GFM2: variants seen among roughly 807,000 people sequenced by gnomAD.
The protein encoded by GFM2 is ribosome-releasing factor 2, mitochondrial.
GFM2 carries 72 observed loss-of-function variants against 95.4 expected under a neutral mutation model. The observed-to-expected ratio is 0.76, with a 90% confidence interval of 0.62 to 0.92. The LOEUF (loss-of-function observed/expected upper bound fraction) is 0.92. Among genes scored for constraint, GFM2 ranks in the 40% least tolerant of loss-of-function variants. The pLI is 0.00. For synonymous variants in GFM2, 276 were observed against 317.5 expected, an observed-to-expected ratio of 0.87 and a Z score of 1.39; for missense variants, 825 against 924.1, an observed-to-expected ratio of 0.89 and a Z score of 1.39.
intron 14 of GFM2, among the ~76,000 whole-genome samples, chr5:74,737,341 C>A (rs1264484844): frequency 6.6e-6 from 1 of 152,136 alleles, no homozygotes; most frequent in Non-Finnish European, 1.5e-5. Context: ...AGAATTTATT[C>A]CTTTTTTACA....
intron 11 of GFM2, among the ~76,000 whole-genome samples, chr5:74,740,441 T>G (rs1743057473): frequency 6.6e-6 from 1 of 152,206 alleles, no homozygotes; most frequent in Non-Finnish European, 1.5e-5. Flanking sequence ...AATAAATGAA[T>G]ATACTTGTGA....
At chr5:74,753,194 G>A (rs1056519766) in intron 5 of GFM2, among the ~76,000 whole-genome samples, 8 of 152,136 alleles carry the variant, frequency 5.3e-5, no homozygotes, top group Admixed American at 2.0e-4. Flanking sequence ...AATCTCCAGA[G>A]AAACAGCCAG....
At chr5:74,759,885 T>C (rs960895547) in intron 3 of GFM2, among the ~76,000 whole-genome samples, 3 of 152,182 alleles carry the variant, frequency 2.0e-5, no homozygotes, top group Admixed American at 6.5e-5. Flanking sequence ...AATTTGGAAC[T>C]TGCCTTCCTC....
At chr5:74,730,740 T>C (rs1054212607) in intron 16 of GFM2, 4 of 166,804 alleles carry the variant, frequency 2.4e-5, no homozygotes, top group African/African-American at 7.2e-5. Context: ...CAATGGAAGA[T>C]GAATATAATT....
At chr5:74,737,610 G>C (rs1414846316) in intron 14 of GFM2, among the ~76,000 whole-genome samples, 1 of 152,108 alleles carries the variant, frequency 6.6e-6, no homozygotes, top group Non-Finnish European at 1.5e-5. Context: ...ACATTCCAAT[G>C]CCAGAAGTCC....
intron 7 of GFM2, 29 bp downstream of exon 7, chr5:74,750,550 A>T: frequency 1.3e-6 from 2 of 1,510,448 alleles, no homozygotes; most frequent in Non-Finnish European, 1.8e-6. Context: ...TGCTGTTCTA[A>T]TTCCCTTTAC....
At position 74,736,952 on chromosome 5, in the gene GFM2, A is replaced by T; in HGVS notation, c.1354T>A (p.Ser452Thr). 2.5e-6 allele frequency: 4 copies of T among 1,613,644 alleles called. No individual in the cohort carries two copies. The highest frequency in any genetic ancestry group is 3.4e-6 in the Non-Finnish European group (4 of 1,179,718). Reference sequence around the variant, plus strand: ...CTACGAGCTGCAGCTAATGCACTGGACTTGGATGAGACAATGGTGTCTCCA... The same window carrying T: ...CTACGAGCTGCAGCTAATGCACTGGTCTTGGATGAGACAATGGTGTCTCCA... ...ATGDTIVSSK[S>T]SALAAARRAE... The change falls in exon 15 of 21, where the codon TCC becomes ACC. Residue 452 changes from serine to threonine, a missense_variant. Ser to Thr is a moderately conservative substitution (Grantham distance 58). Coordinates refer to ENST00000296805, the MANE Select transcript of GFM2 (RefSeq NM_032380.5).
At chr5:74,724,658 A>C (rs1211667423) in intron 19 of GFM2, among the ~76,000 whole-genome samples, 1 of 152,174 alleles carries the variant, frequency 6.6e-6, no homozygotes, top group Non-Finnish European at 1.5e-5. Context: ...CATGTCGAAG[A>C]GATATCAAGT....
intron 12 of GFM2, among the ~76,000 whole-genome samples, chr5:74,739,132 G>A (rs1345335431): frequency 6.6e-6 from 1 of 152,060 alleles, no homozygotes; most frequent in African/African-American, 2.4e-5. Context: ...TTAGAATTGA[G>A]TTCTCCTGCA....
At chr5:74,748,806 A>G (rs1410210905) in intron 7 of GFM2, among the ~76,000 whole-genome samples, 3 of 151,362 alleles carry the variant, frequency 2.0e-5, no homozygotes, top group Non-Finnish European at 4.4e-5. Context: ...CAGAGGTTAC[A>G]GTGAGCCAAG....
chr5:74,730,455 T>C (rs1186848760), intron 16 of GFM2, 57 bp from the exon 17 acceptor site: 1 of 1,222,266 alleles, frequency 8.2e-7, no homozygotes, highest in African/African-American at 1.5e-5. Context: ...TATTGCAGAA[T>C]ACTATATAAA....
chr5:74,725,995 A>G lies in GFM2; in HGVS notation c.1858T>C (p.Leu620=), dbSNP rs1168650942. Residue 620 remains leucine, a synonymous_variant, in exon 18 of 21, where the codon TTG becomes CTG. Coordinates refer to ENST00000296805, the MANE Select transcript of GFM2 (RefSeq NM_032380.5). ...TCAATGGCCTCTTGGGAGACCTTCA[A>G]AAGGCCTTCATTGATACTTTCAGCA... ...EYAESINEGL[L]KVSQEAIENG... is the part of the protein sequence containing the mutation. 6.2e-7 allele frequency: 1 copy of G among 1,611,076 alleles called. No individual in the cohort carries two copies. Among genetic ancestry groups the G allele is most frequent in the Admixed American group, 1.7e-5 (1 of 59,618 alleles).
In GFM2 at chr5:74,725,686, G is replaced by A; in HGVS notation, c.1982C>T (p.Thr661Ile). ...TLHSLTIHPG[T>I]STTMISACVS... is the part of the protein sequence containing the mutation. ...ACAGGCAGAAATCATAGTTGTGGAG[G>A]TGCCAGGATGAATTGTCAGGGAATG... Residue 661 changes from threonine (T) to isoleucine (I), a missense_variant, in exon 19 of 21, where the codon ACC (threonine) becomes ATC (isoleucine). Physicochemically the swap from Thr to Ile is moderately conservative, Grantham distance 89. Transcript: ENST00000296805. 1.2e-6 allele frequency: 2 copies of A among 1,613,904 alleles called. No homozygotes were observed. Among genetic ancestry groups the A allele is most frequent in the African/African-American group, 1.3e-5 (1 of 75,030 alleles).
Position 74,726,128 on chromosome 5 carries a change from T to G in GFM2, c.1727-2A>C, listed in dbSNP as rs1454474139. ...CTCCTAAAGTTCTATCTAAGGTATC[T>G]GTAAACAAATTGAATATGGCACCTC... On this transcript the variant is annotated splice_acceptor_variant, in intron 17 of 20. Transcript: ENST00000296805. LOFTEE classifies it high-confidence loss of function. The G allele has an allele frequency of 6.3e-7, 1 of 1,593,516 alleles. No homozygotes were observed. The highest frequency in any genetic ancestry group is 8.5e-7 in the Non-Finnish European group (1 of 1,170,786).
intron 17 of GFM2, 118 bp from the exon 18 acceptor site, chr5:74,726,244 G>C: frequency 3.0e-6 from 2 of 656,056 alleles, no homozygotes; most frequent in Non-Finnish European, 5.2e-6. Context: ...AAGTGGGAGA[G>C]AATATTAACA....
intron 2 of GFM2, among the ~76,000 whole-genome samples, chr5:74,762,216 T>C (rs1489781191): frequency 2.0e-5 from 3 of 152,146 alleles, no homozygotes; most frequent in Non-Finnish European, 2.9e-5. Context: ...AGACGAATGG[T>C]AAGGCTTCTT....
chr5:74,736,689 G>T, intron 15 of GFM2, 107 bp downstream of exon 15: 1 of 1,535,218 alleles, frequency 6.5e-7, no homozygotes, highest in South Asian at 1.3e-5. Flanking sequence ...AATATATTCA[G>T]ATAAAATTTA....
At position 74,733,017 on chromosome 5, in the gene GFM2, C is replaced by T. The variant is rs765999515; in HGVS notation, c.1587+5G>A. On this transcript the variant is annotated splice_donor_5th_base_variant and intron_variant, in intron 16 of 20. Coordinates refer to ENST00000296805, the MANE Select transcript of GFM2 (RefSeq NM_032380.5). The stretch of plus-strand genomic sequence containing the variant: ...GCTTCTGGAGTTTAGCAATAATATA[C>T]CTACTTGTCCAGAGTCAGGATCTAG... 2 of 1,569,696 alleles carry T rather than the reference C, an allele frequency of 1.3e-6. No individual in the cohort carries two copies. The highest frequency in any genetic ancestry group is 1.7e-6 in the Non-Finnish European group (2 of 1,144,358).
At chr5:74,728,183 T>C (rs1271739380) in intron 17 of GFM2, among the ~76,000 whole-genome samples, 3 of 152,190 alleles carry the variant, frequency 2.0e-5, no homozygotes, top group Non-Finnish European at 4.4e-5. Flanking sequence ...TAAACCCCCA[T>C]GCAGTAAAAA....
Sources: allele counts gnomAD v4.1 joint callset (sites outside exome capture counted in the v4.1 genomes callset), GRCh38; gene constraint gnomAD v4.1.1; transcripts MANE v1.5; gene names NCBI Gene and HGNC (gene_info 2026-07-23, HGNC 2026-07-21).